Variants in PDE11A observed in about 807,000 individuals in gnomAD.
PDE11A encodes phosphodiesterase 11A.
Under a neutral mutation model 100.5 loss-of-function variants are expected in PDE11A, and 100 were observed. The observed-to-expected ratio is 1.00, with a 90% CI of 0.85 to 1.18. The LOEUF (loss-of-function observed/expected upper bound fraction) is 1.18, where lower values mean the gene tolerates loss of function less well. Among genes scored for constraint, PDE11A ranks in the 50% most tolerant of loss-of-function variants. The pLI, the probability that PDE11A is intolerant of heterozygous loss-of-function variation, is 0.00. For missense variants in PDE11A, 1,141 were observed against 1,152.6 expected, an observed-to-expected ratio of 0.99 and a Z score of 0.15; for synonymous variants, 381 against 420.8, an observed-to-expected ratio of 0.91 and a Z score of 1.16.
intron 10 of PDE11A, among the ~76,000 whole-genome samples, chr2:177,739,004 T>C (rs1470403362): frequency 6.6e-6 from 1 of 152,150 alleles, no homozygotes. Flanking sequence ...AAATGTCAAG[T>C]TTATCAAAGC....
chr2:177,951,479 C>G (rs1412220049), intron 2 of PDE11A, among the ~76,000 whole-genome samples: 1 of 152,140 alleles, frequency 6.6e-6, no homozygotes, highest in Non-Finnish European at 1.5e-5. Context: ...AGTGAAGAAT[C>G]TAAAATCCTA....
intron 2 of PDE11A, among the ~76,000 whole-genome samples, chr2:177,979,768 G>A (rs1360160171): frequency 1.3e-5 from 2 of 149,342 alleles, no homozygotes; most frequent in Non-Finnish European, 3.0e-5. Context: ...CTGCCACCAC[G>A]CCCGGCTCAT....
At chr2:177,804,544 C>T (rs1363534617) in intron 9 of PDE11A, among the ~76,000 whole-genome samples, 1 of 151,850 alleles carries the variant, frequency 6.6e-6, no homozygotes, top group Non-Finnish European at 1.5e-5. Flanking sequence ...AACAGAACTA[C>T]CATTCAATCC....
chr2:177,933,920 C>A (rs112514012), intron 2 of PDE11A, among the ~76,000 whole-genome samples: 1 of 152,044 alleles, frequency 6.6e-6, no homozygotes, highest in Non-Finnish European at 1.5e-5. Context: ...GGATAGCTGG[C>A]GAGCCATGTG....
chr2:177,799,098 A>G (rs1452212571), intron 9 of PDE11A, among the ~76,000 whole-genome samples: 2 of 152,178 alleles, frequency 1.3e-5, no homozygotes, highest in Non-Finnish European at 2.9e-5. Flanking sequence ...TGAGGAAAAC[A>G]TTGAACAAAT....
chr2:177,731,945 CT>C (rs1227705223), intron 10 of PDE11A, among the ~76,000 whole-genome samples: 1 of 151,966 alleles, frequency 6.6e-6, no homozygotes, highest in African/African-American at 2.4e-5. Flanking sequence ...TAAAAAAAAC[CT>C]TTATTTTTGT....
At chr2:178,024,475 C>T (rs1196660243) in intron 1 of PDE11A, among the ~76,000 whole-genome samples, 1 of 152,140 alleles carries the variant, frequency 6.6e-6, no homozygotes, top group Non-Finnish European at 1.5e-5. Context: ...AGGTTATAAA[C>T]CATGCTTTAG....
upstream of PDE11A, chr2:178,073,013 C>G (rs745922137): frequency 6.1e-6 from 6 of 985,250 alleles, no homozygotes; most frequent in Non-Finnish European, 7.2e-6. Flanking sequence ...TGTTCCTTCC[C>G]CGCTTCTTGC....
rs147088374 is a variant in PDE11A at position 177,782,976 on chromosome 2, T to G, written c.1738-13603A>C. Among the ~76,000 whole-genome samples the G allele has an allele frequency of 3.9e-5, 6 of 152,194 alleles. No individual in the cohort carries two copies. In the East Asian group the frequency reaches 1.2e-3, roughly 29 times the overall value. ...AAGCACCCTCTCATGAAGTATCAGC[T>G]CCACCATTCTCAAAATAGATTTTGC... On this transcript the variant is annotated intron_variant, in intron 9 of 19. Coordinates refer to ENST00000286063, the MANE Select transcript of PDE11A (RefSeq NM_016953.4).
chr2:178,030,624 C>T (rs1383550902), intron 1 of PDE11A, among the ~76,000 whole-genome samples: 2 of 151,928 alleles, frequency 1.3e-5, no homozygotes, highest in South Asian at 2.1e-4. Context: ...ACCTGTAATC[C>T]CAACAACTTG....
At chr2:177,742,039 GAA>G (rs71410757) in intron 10 of PDE11A, among the ~76,000 whole-genome samples, 4 of 138,264 alleles carry the variant, frequency 2.9e-5, no homozygotes, top group African/African-American at 8.2e-5. Flanking sequence ...TGTCTCTTAA[GAA>G]AAAAAAAAAA....
intron 9 of PDE11A, among the ~76,000 whole-genome samples, chr2:177,771,483 C>T (rs1160154113): frequency 6.6e-6 from 1 of 152,070 alleles, no homozygotes; most frequent in Non-Finnish European, 1.5e-5. Flanking sequence ...ACTTCCGAGC[C>T]CTGGGAGCTT....
chr2:178,006,002 A>G (rs765564774), intron 2 of PDE11A, among the ~76,000 whole-genome samples: 3 of 152,188 alleles, frequency 2.0e-5, no homozygotes, highest in Non-Finnish European at 4.4e-5. Flanking sequence ...AGCCATCAAG[A>G]AGACACTGGA....
intron 12 of PDE11A, among the ~76,000 whole-genome samples, chr2:177,716,172 A>G (rs1325487702): frequency 6.6e-6 from 1 of 151,998 alleles, no homozygotes; most frequent in Admixed American, 6.6e-5. Flanking sequence ...TGTGTACCCA[A>G]CTCTGGGATT....
chr2:177,710,405 T>C lies in PDE11A; in HGVS notation c.2153+1364A>G, dbSNP rs116731479. ...GGAGGTGGTTTTGGAAGACACAAGT[T>C]TGGTATATGAAACTGCTAAGAGCAA... On this transcript the variant is annotated intron_variant, in intron 13 of 19. Transcript: ENST00000286063. 2.7e-3 allele frequency among the ~76,000 whole-genome samples: 403 copies of C among 151,938 alleles called. 2 individuals are homozygous for C. Among genetic ancestry groups the C allele is most frequent in the Middle Eastern group, 0.01 (3 of 292 alleles).
At chr2:178,097,971 T>C (rs6709343) in intron 2 of PDE11A, among the ~76,000 whole-genome samples, 29,145 of 152,144 alleles carry the variant, frequency 0.19, 2,819 homozygotes, top group South Asian at 0.22. Flanking sequence ...TCCCAGGAGA[T>C]AGTGAAATTG....
chr2:178,039,268 T>C (rs908637033), intron 1 of PDE11A, among the ~76,000 whole-genome samples: 1 of 152,126 alleles, frequency 6.6e-6, no homozygotes, highest in Non-Finnish European at 1.5e-5. Context: ...ATTAGCAAAC[T>C]AACACAAAAA....
chr2:177,850,382 A>C (rs2083680327), intron 5 of PDE11A, among the ~76,000 whole-genome samples: 1 of 152,198 alleles, frequency 6.6e-6, no homozygotes, highest in African/African-American at 2.4e-5. Flanking sequence ...ACAAAAATTA[A>C]TTCAAGATGG....
At chr2:177,837,642 TG>T in intron 6 of PDE11A, among the ~76,000 whole-genome samples, 1 of 152,308 alleles carries the variant, frequency 6.6e-6, no homozygotes, top group African/African-American at 2.4e-5. Context: ...TTCCCTTCCA[TG>T]AACAACTTCT....
Sources: gnomAD v4.1 joint callset for allele counts (sites outside exome capture counted in the v4.1 genomes callset) on GRCh38, gnomAD v4.1.1 for gene constraint, MANE v1.5 for transcripts, NCBI Gene and HGNC (gene_info 2026-07-23, HGNC 2026-07-21) for gene names.